KMT2C: variants seen among roughly 807,000 people sequenced by gnomAD.
KMT2C encodes the protein histone-lysine N-methyltransferase 2C.
In KMT2C, 88 loss-of-function variants were observed where a neutral mutation model predicts 507.9. The ratio of observed to expected loss-of-function variants is 0.17; its 90% confidence interval spans 0.15 to 0.21. The LOEUF is 0.21. Ranked by LOEUF, KMT2C falls within the 10% of genes least tolerant of loss-of-function variation. The pLI, the probability that KMT2C is intolerant of heterozygous loss-of-function variation, is 1.00. For missense variants in KMT2C, 4,954 were observed against 5,957.8 expected, an observed-to-expected ratio of 0.83 and a Z score of 5.55; for synonymous variants, 2,049 against 2,080.8, an observed-to-expected ratio of 0.98 and a Z score of 0.42.
rs1195125465 is a variant in KMT2C, at chr7:152,391,142, C to CAAAAAAAAAAAA, written c.162-32479_162-32468dup. Among the ~76,000 whole-genome samples the CAAAAAAAAAAAA allele has an allele frequency of 4.6e-4, 16 of 34,764 alleles. 1 individual carries two copies. The highest frequency in any genetic ancestry group is 2.6e-3 in the South Asian group (1 of 390). 22.8% of individuals were successfully genotyped at this position (34,764 alleles called of 152,430 possible). On this transcript the variant is annotated intron_variant, in intron 1 of 58. Transcript: ENST00000262189. ...CTGGGCGACAGAGTGAGACTGTCTC[C>CAAAAAAAAAAAA]AAAAAAAAAAAAAAAAAAAAAAAAA...
intron 25 of KMT2C, among the ~76,000 whole-genome samples, chr7:152,203,958 C>G (rs1313932217): frequency 6.6e-6 from 1 of 152,108 alleles, no homozygotes; most frequent in Non-Finnish European, 1.5e-5. Flanking sequence ...CCAATGACCT[C>G]AAACTCCAAT....
At chr7:152,282,655 C>A (rs570285712) in intron 6 of KMT2C, among the ~76,000 whole-genome samples, 1 of 152,102 alleles carries the variant, frequency 6.6e-6, no homozygotes, top group African/African-American at 2.4e-5. Context: ...TATGTTGTTA[C>A]TAGATGATAG....
At chr7:152,426,230 GT>G (rs10709636) in intron 1 of KMT2C, among the ~76,000 whole-genome samples, 6,840 of 94,774 alleles carry the variant, frequency 0.072, 210 homozygotes, top group African/African-American at 0.21. Context: ...TTATGTCATA[GT>G]TTTTTTTTTT....
intron 1 of KMT2C, among the ~76,000 whole-genome samples, chr7:152,364,601 T>C (rs2097222638): frequency 1.7e-5 from 2 of 119,556 alleles, no homozygotes; most frequent in African/African-American, 5.9e-5. Flanking sequence ...AGAGCGAGAC[T>C]CCGTCTCCAA....
chr7:152,253,060 G>A (rs754293273), intron 9 of KMT2C, among the ~76,000 whole-genome samples: 2 of 151,950 alleles, frequency 1.3e-5, no homozygotes, highest in Non-Finnish European at 2.9e-5. Context: ...TCACCATGTT[G>A]GCCAGGCTCA....
At chr7:152,394,368 T>C (rs1589703157) in intron 1 of KMT2C, among the ~76,000 whole-genome samples, 1 of 152,300 alleles carries the variant, frequency 6.6e-6, no homozygotes, top group Admixed American at 6.5e-5. Context: ...TCTTATGATG[T>C]TTTCTCCATA....
chr7:152,343,685 G>A (rs1223224529), intron 2 of KMT2C, among the ~76,000 whole-genome samples: 3 of 151,776 alleles, frequency 2.0e-5, no homozygotes, highest in African/African-American at 7.3e-5. Context: ...GAGGTCAGAG[G>A]GAAAAAAATA....
chr7:152,195,840 T>C, intron 28 of KMT2C, 67 bp downstream of exon 28: 1 of 813,172 alleles, frequency 1.2e-6, no homozygotes. Flanking sequence ...CTAAACTTGT[T>C]CCACACATCA....
At chr7:152,224,382 A>G (rs1197590588) in intron 19 of KMT2C, 53 bp downstream of exon 19, 2 of 1,555,022 alleles carry the variant, frequency 1.3e-6, no homozygotes, top group Non-Finnish European at 1.8e-6. Context: ...CCAAAGTGGT[A>G]TGAGAAAGCT....
intron 1 of KMT2C, among the ~76,000 whole-genome samples, chr7:152,411,548 GAAGAA>G (rs1564160405): frequency 6.6e-6 from 1 of 152,242 alleles, no homozygotes; most frequent in Non-Finnish European, 1.5e-5. Flanking sequence ...GAAGAAGGTG[GAAGAA>G]AAGGCACGAG....
chr7:152,367,225 T>C, intron 1 of KMT2C: 1 of 1,481,232 alleles, frequency 6.8e-7, no homozygotes, highest in Admixed American at 1.9e-5. Flanking sequence ...TGCAGTGTGT[T>C]TTGATGTTGA....
chr7:152,313,878 T>G (rs1211137529), intron 4 of KMT2C, among the ~76,000 whole-genome samples: 1 of 152,140 alleles, frequency 6.6e-6, no homozygotes, highest in East Asian at 1.9e-4. Flanking sequence ...AATTTCACTT[T>G]TAAAACAAGG....
chr7:152,175,870 G>A (rs1345259944), intron 38 of KMT2C, among the ~76,000 whole-genome samples: 2 of 151,930 alleles, frequency 1.3e-5, no homozygotes, highest in African/African-American at 4.8e-5. Flanking sequence ...GTGAAACCCC[G>A]CACCTCTACT....
intron 26 of KMT2C, among the ~76,000 whole-genome samples, chr7:152,202,650 A>G (rs1366247741): frequency 6.6e-6 from 1 of 152,188 alleles, no homozygotes; most frequent in Non-Finnish European, 1.5e-5. Context: ...GACTTGGAAG[A>G]TTGAGTTTTT....
At chr7:152,409,563 C>CAAAAAA (rs367688749) in intron 1 of KMT2C, among the ~76,000 whole-genome samples, 1 of 98,762 alleles carries the variant, frequency 1.0e-5, no homozygotes, top group African/African-American at 3.4e-5. Context: ...GCTAAAAATA[C>CAAAAAA]AAAAAAAAAA....
Position 152,315,526 on chromosome 7 carries a change from G to A in KMT2C, c.390-188C>T, listed in dbSNP as rs530569917. ...ATTAAGTTTAATAATTATACATTTG[G>A]AATTCTACTTTTCCATAGCATTTTA... On this transcript the variant is annotated intron_variant, in intron 3 of 58. Coordinates refer to ENST00000262189, the MANE Select transcript of KMT2C (RefSeq NM_170606.3). Among the ~76,000 whole-genome samples, 36 of 152,196 alleles carry A rather than the reference G, an allele frequency of 2.4e-4. No homozygotes were observed. In the South Asian group the frequency reaches 7.3e-3, roughly 31 times the overall value.
Position 152,252,085 on chromosome 7 carries a change from A to C in KMT2C, c.1475T>G (p.Val492Gly). 6.2e-7 allele frequency: 1 copy of C among 1,606,032 alleles called. No homozygotes were observed. The stretch of plus-strand genomic sequence containing the variant: ...TGTTGGTTTGTCACACTCTAGGTGA[A>C]CCCACCTGCAGTGATAAGTATACTT... ...MLHCNMCKRWVHLECDKPTDH... is the reference protein window; with the variant it reads ...MLHCNMCKRWGHLECDKPTDH... Residue 492 changes from valine (V) to glycine (G), a missense_variant, in exon 11 of 59, where the codon GTT (valine) becomes GGT (glycine). Physicochemically the swap from Val to Gly is moderately radical, Grantham distance 109 (BLOSUM62 -3). This residue lies in a region of KMT2C where 376 missense variants were observed against 352.4 expected (regional missense o/e 1.07). Coordinates refer to ENST00000262189, the MANE Select transcript of KMT2C (RefSeq NM_170606.3).
chr7:152,163,846 C>A lies in KMT2C; in HGVS notation c.9751-20G>T. The stretch of plus-strand genomic sequence containing the variant: ...ACGAATCTGGAATAACAAAATGCAT[C>A]ATTACTCATTTCTATACAGCATAGG... On this transcript the variant is annotated intron_variant, in intron 42 of 58. Transcript: ENST00000262189. The A allele has an allele frequency of 6.2e-7, 1 of 1,602,596 alleles. No homozygotes were observed. Among genetic ancestry groups the A allele is most frequent in the Non-Finnish European group, 8.5e-7 (1 of 1,169,638 alleles).
chr7:152,209,454 CAA>C (rs71198766), intron 23 of KMT2C, among the ~76,000 whole-genome samples: 22 of 70,898 alleles, frequency 3.1e-4, no homozygotes, highest in Admixed American at 7.6e-4. Context: ...GACTCCGTCT[CAA>C]AAAAAAAAAA....
Sources: allele counts gnomAD v4.1 joint callset (sites outside exome capture counted in the v4.1 genomes callset), GRCh38; gene constraint gnomAD v4.1.1; regional missense constraint gnomAD v4.1.1; transcripts MANE v1.5; gene names NCBI Gene and HGNC (gene_info 2026-07-23, HGNC 2026-07-21).